The following NOTCH2NLB variants were observed in gnomAD, a reference collection of about 807,000 sequenced individuals.
NOTCH2NLB encodes notch homolog 2 N-terminal-like protein B.
Under a neutral mutation model 14.8 loss-of-function variants are expected in NOTCH2NLB, and 1 was observed. The ratio of observed to expected loss-of-function variants is 0.07; its 90% confidence interval spans 0.02 to 0.32. NOTCH2NLB has a LOEUF of 0.32. Ranked by LOEUF, NOTCH2NLB falls within the 10% of genes least tolerant of loss-of-function variation. The pLI is 1.00. For missense variants in NOTCH2NLB, 11 were observed against 155.0 expected, an observed-to-expected ratio of 0.07 and a Z score of 4.93; for synonymous variants, 6 against 57.5, an observed-to-expected ratio of 0.10 and a Z score of 4.05.
chr1:148,638,428 A>C (rs1664265896), intron 2 of NOTCH2NLB, among the ~76,000 whole-genome samples: 1 of 148,872 alleles, frequency 6.7e-6, no homozygotes, highest in Non-Finnish European at 1.5e-5. Context: ...TAACAGAATA[A>C]AGCAAGCAAC....
exon 1 of NOTCH2NLB, chr1:148,679,475 C>T (rs1454732462): frequency 3.6e-6 from 4 of 1,103,094 alleles, no homozygotes; most frequent in Non-Finnish European, 4.7e-6. Flanking sequence ...GCGCGGGGGT[C>T]GCGCAGCACA....
intron 2 of NOTCH2NLB, among the ~76,000 whole-genome samples, chr1:148,637,344 TTGGACTTC>T: frequency 7.4e-6 from 1 of 136,024 alleles, no homozygotes; most frequent in South Asian, 2.5e-4. Flanking sequence ...CAAAGAACTA[TTGGACTTC>T]TTCCCAACAG....
chr1:148,670,563 T>TATATATAA, intron 1 of NOTCH2NLB, among the ~76,000 whole-genome samples: 1 of 138,794 alleles, frequency 7.2e-6, no homozygotes, highest in Non-Finnish European at 1.6e-5. Context: ...CATATATATA[T>TATATATAA]ATATATATAT....
At chr1:148,693,088 G>GCCC in the NOTCH2NLB span, among the ~76,000 whole-genome samples, 41 of 63,958 alleles carry the variant, frequency 6.4e-4, no homozygotes, top group Non-Finnish European at 8.5e-4. Context: ...GAAGAGAGCC[G>GCCC]CCCCCCCCCC....
intron 2 of NOTCH2NLB, among the ~76,000 whole-genome samples, chr1:148,627,645 C>A (rs1269507451): frequency 1.3e-5 from 2 of 151,774 alleles, no homozygotes; most frequent in Non-Finnish European, 1.5e-5. Context: ...CTTTTCCCCA[C>A]CTTCTCATGG....
At chr1:148,661,375 C>G (rs1438476921) in intron 1 of NOTCH2NLB, among the ~76,000 whole-genome samples, 6 of 150,234 alleles carry the variant, frequency 4.0e-5, no homozygotes, top group Admixed American at 2.0e-4. Flanking sequence ...CACACACACA[C>G]AGAGTTAAAT....
chr1:148,703,159 G>T, the NOTCH2NLB span, among the ~76,000 whole-genome samples: 1 of 34,180 alleles, frequency 2.9e-5, no homozygotes, highest in African/African-American at 9.8e-5. Context: ...GCATGGTGGC[G>T]GGCGCCTGTA....
the NOTCH2NLB span, among the ~76,000 whole-genome samples, chr1:148,689,283 GT>G: frequency 1.8e-5 from 2 of 109,278 alleles, no homozygotes; most frequent in East Asian, 6.5e-4. Context: ...ATATAGTTTT[GT>G]TTTGTTTTGT....
upstream of NOTCH2NLB, among the ~76,000 whole-genome samples, chr1:148,682,535 C>T (rs1206592922): frequency 4.1e-5 from 1 of 24,260 alleles, no homozygotes; most frequent in Non-Finnish European, 6.9e-5. Context: ...GAGCCAAGAT[C>T]GTGCCACTGT....
rs1455831649 is a variant in NOTCH2NLB at position 148,679,738 on chromosome 1, A to G, written c.-274T>C. The G allele has an allele frequency of 3.1e-6, 3 of 962,830 alleles. 1 individual carries two copies. Among genetic ancestry groups the G allele is most frequent in the Non-Finnish European group, 3.9e-6 (3 of 760,898 alleles). The allele number at this position is 962,830 out of a possible 1,614,324, so 59.6% of individuals were successfully genotyped here. On this transcript the variant is annotated 5_prime_UTR_variant, in exon 1 of 5. Coordinates refer to ENST00000593495, the Ensembl canonical transcript of NOTCH2NLB. ...CTCGGCCGCCGCCTCAGCCGCCCGA[A>G]GTTTGGCTGAAACTTTCTCGGGTGT... is the stretch of plus-strand genomic sequence containing the variant.
At chr1:148,688,110 AC>A in the NOTCH2NLB span, among the ~76,000 whole-genome samples, 6,542 of 138,240 alleles carry the variant, frequency 0.047, 123 homozygotes, top group Non-Finnish European at 0.077. Flanking sequence ...AAAAAAAAAA[AC>A]GGCAAAGTTA....
chr1:148,670,573 T>TATAA (rs1664756353), intron 1 of NOTCH2NLB, among the ~76,000 whole-genome samples: 2 of 138,314 alleles, frequency 1.4e-5, no homozygotes, highest in African/African-American at 5.1e-5. Flanking sequence ...TATATATATA[T>TATAA]ATATAAATAA....
the NOTCH2NLB span, among the ~76,000 whole-genome samples, chr1:148,601,439 TG>T: frequency 1.3e-5 from 2 of 151,670 alleles, no homozygotes; most frequent in Non-Finnish European, 1.5e-5. Flanking sequence ...GTGGGTGGAA[TG>T]GATGTAGCAG....
chr1:148,703,459 TGA>T, the NOTCH2NLB span, among the ~76,000 whole-genome samples: 2 of 31,864 alleles, frequency 6.3e-5, no homozygotes, highest in African/African-American at 2.0e-4. Flanking sequence ...TGGAGGGTAA[TGA>T]GAGGAGGTCA....
At chr1:148,604,990 CAT>C (rs1279712632), downstream of NOTCH2NLB, among the ~76,000 whole-genome samples, 31 of 117,998 alleles carry the variant, frequency 2.6e-4, 1 homozygote, top group Non-Finnish European at 5.5e-4. Context: ...CACACACACA[CAT>C]TGATATGTAA....
chr1:148,633,227 G>A (rs1664144983), intron 2 of NOTCH2NLB, among the ~76,000 whole-genome samples: 1 of 126,322 alleles, frequency 7.9e-6, no homozygotes, highest in Non-Finnish European at 1.6e-5. Context: ...TAGGAATCAG[G>A]ACTCAAACTT....
rs1255938302 is a variant in NOTCH2NLB, at chr1:148,654,752, TTAAAA to T, written c.4-14668_4-14664del. On this transcript the variant is annotated intron_variant, in intron 1 of 4. Transcript: ENST00000593495. The stretch of plus-strand genomic sequence containing the variant: ...CGTGGATCTTGAAATGGGAGATAAA[TTAAAA>T]TAAAGTTTTAAGCTATAATAAGTCT... 1.6e-4 allele frequency among the ~76,000 whole-genome samples: 15 copies of T among 96,092 alleles called. 6 individuals are homozygous for T. Among genetic ancestry groups the T allele is most frequent in the Non-Finnish European group, 2.6e-4 (11 of 42,690 alleles). The allele number at this position is 96,092 out of a possible 152,430, so 63.0% of individuals were successfully genotyped here.
At position 148,679,551 on chromosome 1, in the gene NOTCH2NLB, T is replaced by G. The variant is rs1427315297; in HGVS notation, c.-87A>C. 8.6e-5 allele frequency: 97 copies of G among 1,126,220 alleles called. 24 individuals are homozygous for G. Among genetic ancestry groups the G allele is most frequent in the Middle Eastern group, 5.5e-4 (2 of 3,666 alleles). The allele number at this position is 1,126,220 out of a possible 1,614,324, so 69.8% of individuals were successfully genotyped here. On this transcript the variant is annotated 5_prime_UTR_variant, in exon 1 of 5. Transcript: ENST00000593495. The stretch of plus-strand genomic sequence containing the variant: ...GGCGGGCATCTTCTCGGTCGCCTCC[T>G]CCGCCGCCGCCGCCTGGGCAGATCC...
At chr1:148,634,346 A>AT (rs1419951736) in intron 2 of NOTCH2NLB, among the ~76,000 whole-genome samples, 1 of 149,338 alleles carries the variant, frequency 6.7e-6, no homozygotes, top group Non-Finnish European at 1.5e-5. Flanking sequence ...AACAGTTGAT[A>AT]TTTTTCCCTG....
Sources: allele counts gnomAD v4.1 joint callset (sites outside exome capture counted in the v4.1 genomes callset), GRCh38; gene constraint gnomAD v4.1.1; transcripts MANE v1.5; gene names NCBI Gene and HGNC (gene_info 2026-07-23, HGNC 2026-07-21).